The following ZFR variants were observed in gnomAD, a reference collection of about 807,000 sequenced individuals.
The protein encoded by ZFR is zinc finger RNA binding protein.
Under a neutral mutation model 130.7 loss-of-function variants are expected in ZFR, and 19 were observed. That is an observed-to-expected ratio of 0.15 (90% CI 0.10 to 0.21). The LOEUF (loss-of-function observed/expected upper bound fraction) is 0.21. ZFR is among the 10% of genes least tolerant of loss of function. The probability of loss-of-function intolerance (pLI) is 1.00; values close to 1 mark genes in which losing one functional copy is unlikely to be tolerated. For missense variants in ZFR, 872 were observed against 1,321.5 expected (o/e 0.66, Z 5.27); for synonymous variants, 466 against 456.9 (o/e 1.02, Z -0.25).
At chr5:32,406,231 G>C (rs1288532848) in intron 6 of ZFR, among the ~76,000 whole-genome samples, 1 of 152,046 alleles carries the variant, frequency 6.6e-6, no homozygotes, top group East Asian at 1.9e-4. Flanking sequence ...CTCACTAATT[G>C]GTATTTTTGA....
At chr5:32,362,521 A>G (rs574837205) in intron 19 of ZFR, among the ~76,000 whole-genome samples, 1 of 152,222 alleles carries the variant, frequency 6.6e-6, no homozygotes, top group African/African-American at 2.4e-5. Context: ...TTATGTGTGC[A>G]TGTGTGTATA....
chr5:32,423,196 C>A (rs1260313296), intron 2 of ZFR, among the ~76,000 whole-genome samples: 1 of 151,972 alleles, frequency 6.6e-6, no homozygotes, highest in South Asian at 2.1e-4. Context: ...AGCCGCGTGT[C>A]GTGGCATGCA....
At chr5:32,416,657 G>T (rs67728262) in intron 4 of ZFR, among the ~76,000 whole-genome samples, 1 of 149,518 alleles carries the variant, frequency 6.7e-6, no homozygotes, top group Non-Finnish European at 1.5e-5. Flanking sequence ...TAGTCAGATA[G>T]TCACTATAAT....
At chr5:32,421,073 T>C (rs993805833) in intron 2 of ZFR, among the ~76,000 whole-genome samples, 17 of 152,208 alleles carry the variant, frequency 1.1e-4, no homozygotes, top group Admixed American at 9.8e-4. Context: ...AATATGTTTA[T>C]TTTAACTTTT....
chr5:32,372,368 CG>C (rs1355639177), intron 17 of ZFR, among the ~76,000 whole-genome samples: 1 of 152,008 alleles, frequency 6.6e-6, no homozygotes, highest in Non-Finnish European at 1.5e-5. Flanking sequence ...ACTCTAGTGT[CG>C]GGGAGGCTGT....
intron 8 of ZFR, among the ~76,000 whole-genome samples, chr5:32,400,671 G>A (rs939659197): frequency 9.2e-5 from 14 of 152,096 alleles, no homozygotes; most frequent in Admixed American, 6.6e-5. Context: ...GAGACCAGCC[G>A]GGGGAACATG....
At chr5:32,434,487 A>G (rs553107295) in intron 2 of ZFR, among the ~76,000 whole-genome samples, 15 of 152,334 alleles carry the variant, frequency 9.8e-5, no homozygotes, top group Middle Eastern at 3.4e-3. Flanking sequence ...GCCAACTATG[A>G]AGTTAGTGTC....
At chr5:32,421,722 C>CA (rs1193701320) in intron 2 of ZFR, among the ~76,000 whole-genome samples, 11 of 151,900 alleles carry the variant, frequency 7.2e-5, no homozygotes, top group Admixed American at 6.5e-4. Flanking sequence ...AAACAAAAAA[C>CA]AAAAAACAAA....
rs773621542 is a variant in ZFR, at chr5:32,403,888, T to TG, written c.1224+17dup. ...AACAGAATCAAGGCATAAGGGTGTG[T>TG]GGGAAAAAAACACCTACTTTCTGAT... On this transcript the variant is annotated intron_variant, in intron 7 of 19. Coordinates refer to ENST00000265069, the MANE Select transcript of ZFR (RefSeq NM_016107.5). The TG allele has an allele frequency of 1.3e-5, 21 of 1,557,182 alleles. No individual in the cohort carries two copies. Among genetic ancestry groups the TG allele is most frequent in the Admixed American group, 7.7e-5 (4 of 51,658 alleles).
At chr5:32,422,507 A>G (rs1189186279) in intron 2 of ZFR, among the ~76,000 whole-genome samples, 1 of 152,142 alleles carries the variant, frequency 6.6e-6, no homozygotes, top group Admixed American at 6.5e-5. Context: ...TACCAAAAGC[A>G]TGAGGAAGGC....
At chr5:32,381,696 G>C (rs1752940654) in intron 15 of ZFR, among the ~76,000 whole-genome samples, 1 of 152,052 alleles carries the variant, frequency 6.6e-6, no homozygotes, top group Non-Finnish European at 1.5e-5. Flanking sequence ...AACTGATAGA[G>C]AATTCTATTC....
intron 2 of ZFR, among the ~76,000 whole-genome samples, chr5:32,431,777 A>T: frequency 6.6e-6 from 1 of 152,004 alleles, no homozygotes. Flanking sequence ...TGAAAAAAAA[A>T]AAAAAAAGAC....
At chr5:32,412,750 T>A (rs1275168476) in intron 5 of ZFR, among the ~76,000 whole-genome samples, 3 of 152,202 alleles carry the variant, frequency 2.0e-5, no homozygotes, top group African/African-American at 7.2e-5. Flanking sequence ...TATAAACTTA[T>A]ATTGCTGAGC....
At chr5:32,431,894 C>T (rs1041758739) in intron 2 of ZFR, among the ~76,000 whole-genome samples, 2 of 151,924 alleles carry the variant, frequency 1.3e-5, no homozygotes, top group Non-Finnish European at 2.9e-5. Flanking sequence ...AGTGCAGTGG[C>T]AAGATCATGG....
intron 2 of ZFR, among the ~76,000 whole-genome samples, chr5:32,426,038 C>T (rs2111838440): frequency 6.6e-6 from 1 of 152,138 alleles, no homozygotes; most frequent in Non-Finnish European, 1.5e-5. Context: ...TTCTGTCACG[C>T]AACAGGAAAA....
chr5:32,428,544 T>C (rs2111845046), intron 2 of ZFR, among the ~76,000 whole-genome samples: 2 of 152,348 alleles, frequency 1.3e-5, no homozygotes, highest in East Asian at 1.9e-4. Flanking sequence ...ACCACTACAC[T>C]TCAACCTGAG....
At position 32,406,836 on chromosome 5, in the gene ZFR, G is replaced by A. The variant is rs1561898940; in HGVS notation, c.970C>T (p.Pro324Ser). 6.2e-7 allele frequency: 1 copy of A among 1,614,058 alleles called. No homozygotes were observed. The highest frequency in any genetic ancestry group is 1.7e-5 in the Admixed American group (1 of 60,014). Residue 324 changes from proline (P) to serine (S), a missense_variant, in exon 6 of 20, where the codon CCT becomes TCT. Physicochemically the swap from Pro to Ser is moderately conservative, Grantham distance 74. This residue lies in a region of ZFR where 240 missense variants were observed against 441.2 expected (regional missense o/e 0.54). Transcript: ENST00000265069. ...FQNKQLKPKQPPKPPQIHYCD... is the reference protein window; with the variant it reads ...FQNKQLKPKQSPKPPQIHYCD... ...TAGTGAATCTGTGGTGGTTTGGGAG[G>A]CTGTTTTGGTTTCAGTTGTTTATTT...
At chr5:32,397,650 C>T (rs1753345216) in intron 9 of ZFR, among the ~76,000 whole-genome samples, 1 of 152,092 alleles carries the variant, frequency 6.6e-6, no homozygotes, top group South Asian at 2.1e-4. Flanking sequence ...TTAGTAGAGA[C>T]AGGGTTTCAC....
At chr5:32,397,449 T>C (rs1033512416) in intron 9 of ZFR, 111 bp from the exon 10 acceptor site, 2 of 1,370,850 alleles carry the variant, frequency 1.5e-6, no homozygotes, top group Non-Finnish European at 2.0e-6. Flanking sequence ...AGTGGCAATG[T>C]CTATTACATT....
Sources: gnomAD v4.1 joint callset for allele counts (sites outside exome capture counted in the v4.1 genomes callset) on GRCh38, gnomAD v4.1.1 for gene constraint, gnomAD v4.1.1 regional missense constraint, MANE v1.5 for transcripts, NCBI Gene and HGNC (gene_info 2026-07-23, HGNC 2026-07-21) for gene names.